PSEN1: variants seen among roughly 807,000 people sequenced by gnomAD.
The protein encoded by PSEN1 is presenilin-1.
A neutral mutation model predicts 53.5 loss-of-function variants in PSEN1; 15 were observed. That is an observed-to-expected ratio of 0.28 (90% confidence interval 0.19 to 0.43). The LOEUF (loss-of-function observed/expected upper bound fraction) is 0.43, where lower values mean the gene tolerates loss of function less well. PSEN1 is among the 20% of genes least tolerant of loss of function. The probability of loss-of-function intolerance (pLI) is 1.00; values close to 1 mark genes in which losing one functional copy is unlikely to be tolerated. For synonymous variants in PSEN1, 208 were observed against 209.8 expected, an observed-to-expected ratio of 0.99 and a Z score of 0.08; for missense variants, 387 against 571.2, an observed-to-expected ratio of 0.68 and a Z score of 3.29.
intron 8 of PSEN1, among the ~76,000 whole-genome samples, chr14:73,202,708 G>A (rs1031222212): frequency 1.1e-4 from 16 of 151,152 alleles, no homozygotes; most frequent in Admixed American, 8.6e-4. Context: ...TCTTGACCTC[G>A]TAATCTGCCC....
chr14:73,176,119 G>C (rs1898041584), intron 5 of PSEN1, among the ~76,000 whole-genome samples: 1 of 152,186 alleles, frequency 6.6e-6, no homozygotes, highest in South Asian at 2.1e-4. Flanking sequence ...GTTAAGTGAT[G>C]GCCATCTGTA....
intron 5 of PSEN1, among the ~76,000 whole-genome samples, chr14:73,178,411 C>T (rs992058903): frequency 1.3e-5 from 2 of 151,688 alleles, no homozygotes; most frequent in African/African-American, 2.4e-5. Flanking sequence ...TGGTCTTAAA[C>T]CCCTGGCCTC....
chr14:73,143,944 G>C (rs1275062836), intron 1 of PSEN1, among the ~76,000 whole-genome samples: 1 of 123,320 alleles, frequency 8.1e-6, no homozygotes, highest in Non-Finnish European at 1.6e-5. Context: ...AGCTATGATT[G>C]CCACTGTACT....
Position 73,148,028 on chromosome 14 carries a change from G to A in PSEN1, c.9G>A (p.Glu3=). MT[E]LPAPLSYFQN... is the part of the protein sequence containing the mutation. ...TCTATACAGTTGCTCCAATGACAGA[G>A]TTACCTGCACCGTTGTCCTACTTCC... Residue 3 remains glutamate, a synonymous_variant, in exon 3 of 12, where the codon GAG becomes GAA. Transcript: ENST00000324501. 6.2e-7 allele frequency: 1 copy of A among 1,613,394 alleles called. No homozygotes were observed. Among genetic ancestry groups the A allele is most frequent in the South Asian group, 1.1e-5 (1 of 91,062 alleles).
intron 7 of PSEN1, among the ~76,000 whole-genome samples, chr14:73,193,873 T>C (rs919849913): frequency 6.6e-6 from 1 of 152,142 alleles, no homozygotes; most frequent in Non-Finnish European, 1.5e-5. Context: ...CCTAGGCTGG[T>C]CTTGAACTCT....
At chr14:73,200,801 A>G (rs1360556231) in intron 8 of PSEN1, among the ~76,000 whole-genome samples, 1 of 152,106 alleles carries the variant, frequency 6.6e-6, no homozygotes, top group African/African-American at 2.4e-5. Context: ...CTGTAATCCC[A>G]GCACTTTGGG....
chr14:73,195,866 C>T (rs1170826836), intron 7 of PSEN1, among the ~76,000 whole-genome samples: 1 of 152,084 alleles, frequency 6.6e-6, no homozygotes, highest in Non-Finnish European at 1.5e-5. Context: ...AGTTATTATC[C>T]CTGTTTTACT....
intron 1 of PSEN1, among the ~76,000 whole-genome samples, chr14:73,138,860 G>T (rs537572186): frequency 6.6e-6 from 1 of 151,806 alleles, no homozygotes; most frequent in East Asian, 2.0e-4. Flanking sequence ...CCAGCTACTC[G>T]GGAGGCTGAG....
chr14:73,164,846 C>G (rs1897659528), intron 3 of PSEN1, among the ~76,000 whole-genome samples: 1 of 152,056 alleles, frequency 6.6e-6, no homozygotes, highest in Admixed American at 6.6e-5. Context: ...ACTTTAGGAA[C>G]TTGCTTCTTT....
At chr14:73,188,389 C>T (rs1473036705) in intron 6 of PSEN1, among the ~76,000 whole-genome samples, 2 of 152,056 alleles carry the variant, frequency 1.3e-5, no homozygotes, top group East Asian at 1.9e-4. Context: ...TGTGGTGGCT[C>T]ATGTTTATAA....
intron 1 of PSEN1, among the ~76,000 whole-genome samples, chr14:73,137,600 A>AG (rs1430464128): frequency 2.0e-5 from 3 of 152,126 alleles, no homozygotes; most frequent in Admixed American, 2.0e-4. Context: ...ACTTGCAACG[A>AG]GGGGGTGGAA....
At position 73,143,261 on chromosome 14, in the gene PSEN1, T is replaced by A. The variant is rs1017639821; in HGVS notation, c.-135-4534T>A. On this transcript the variant is annotated intron_variant, in intron 1 of 11. Coordinates refer to ENST00000324501, the MANE Select transcript of PSEN1 (RefSeq NM_000021.4). ...CCTAGCCCTGTTGCCTGCCTCTGCT[T>A]CCTACCGAGCCCCCTGTAAAGAGCA... is the stretch of plus-strand genomic sequence containing the variant. Among the ~76,000 whole-genome samples, 6 of 152,280 alleles carry A rather than the reference T, an allele frequency of 3.9e-5. No individual in the cohort carries two copies. In the South Asian group the frequency reaches 6.2e-4, roughly 16 times the overall value.
chr14:73,155,381 T>C (rs576143828), intron 3 of PSEN1, among the ~76,000 whole-genome samples: 1 of 152,354 alleles, frequency 6.6e-6, no homozygotes, highest in East Asian at 1.9e-4. Context: ...TGAGATAAAC[T>C]GAATGATTAG....
At chr14:73,197,448 A>G (rs1265756255) in intron 7 of PSEN1, among the ~76,000 whole-genome samples, 2 of 152,192 alleles carry the variant, frequency 1.3e-5, no homozygotes, top group Admixed American at 6.5e-5. Context: ...GCAAAGAGTT[A>G]TTATTGTGTT....
chr14:73,152,463 T>C (rs1219770071), intron 3 of PSEN1, among the ~76,000 whole-genome samples: 1 of 145,738 alleles, frequency 6.9e-6, no homozygotes, highest in Admixed American at 6.9e-5. Context: ...AAAAAGTCAA[T>C]GGGTGTGGTG....
intron 3 of PSEN1, among the ~76,000 whole-genome samples, chr14:73,158,305 T>TATCTA (rs1367561265): frequency 6.6e-6 from 1 of 151,646 alleles, no homozygotes; most frequent in Non-Finnish European, 1.5e-5. Context: ...TCTATCTATC[T>TATCTA]ATCTATCTAT....
chr14:73,154,434 CA>C (rs33930642), intron 3 of PSEN1, among the ~76,000 whole-genome samples: 7 of 147,824 alleles, frequency 4.7e-5, no homozygotes, highest in Admixed American at 2.7e-4. Flanking sequence ...CTTGTCTCTA[CA>C]AAAAAAAAAG....
intron 10 of PSEN1, among the ~76,000 whole-genome samples, chr14:73,215,152 G>C (rs1214855643): frequency 6.6e-6 from 1 of 151,730 alleles, no homozygotes; most frequent in Non-Finnish European, 1.5e-5. Context: ...GTAGAGACAA[G>C]GTTTCACCAT....
chr14:73,148,018 C>T lies in PSEN1; in HGVS notation c.-2C>T. On this transcript the variant is annotated 5_prime_UTR_variant, in exon 3 of 12. Coordinates refer to ENST00000324501, the MANE Select transcript of PSEN1 (RefSeq NM_000021.4). The stretch of plus-strand genomic sequence containing the variant: ...AAACAGTATTTCTATACAGTTGCTC[C>T]AATGACAGAGTTACCTGCACCGTTG... 6.2e-7 allele frequency: 1 copy of T among 1,611,860 alleles called. No individual in the cohort carries two copies. Among genetic ancestry groups the T allele is most frequent in the Non-Finnish European group, 8.5e-7 (1 of 1,177,922 alleles).
Sources: allele counts gnomAD v4.1 joint callset (sites outside exome capture counted in the v4.1 genomes callset), GRCh38; gene constraint gnomAD v4.1.1; transcripts MANE v1.5; gene names NCBI Gene and HGNC (gene_info 2026-07-23, HGNC 2026-07-21).